ZNF566: variants seen among roughly 807,000 people sequenced by gnomAD.
ZNF566 encodes the protein zinc finger protein 566.
Under a neutral mutation model 32.8 loss-of-function variants are expected in ZNF566, and 27 were observed. The ratio of observed to expected loss-of-function variants is 0.82; its 90% CI spans 0.61 to 1.14. ZNF566 has a LOEUF of 1.14. ZNF566 is among the 50% of genes most tolerant of loss of function. The probability of loss-of-function intolerance (pLI) is 0.00; values close to 1 mark genes in which losing one functional copy is unlikely to be tolerated. For missense variants in ZNF566, 402 were observed against 490.4 expected (o/e 0.82, Z 1.70); for synonymous variants, 154 against 159.5 (o/e 0.97, Z 0.26).
rs1035705535 is a variant in ZNF566 at position 36,446,262 on chromosome 19, T to C, written c.*2715A>G. 1.4e-5 allele frequency: 2 copies of C among 144,498 alleles called. No individual in the cohort carries two copies. The highest frequency in any genetic ancestry group is 3.0e-5 in the Non-Finnish European group (2 of 66,258). The allele number at this position is 144,498 out of a possible 1,614,324, so 9.0% of individuals were successfully genotyped here. ...CGGAGAAGGGCAAAGATAATCATTT[T>C]TTCTTTCTTTTTTTTTTTTTTTTTT... On this transcript the variant is annotated 3_prime_UTR_variant, in exon 5 of 5. Coordinates refer to ENST00000452939, the MANE Select transcript of ZNF566 (RefSeq NM_001145344.1).
rs185829721 is a variant in ZNF566, at chr19:36,463,442, T to C, written c.232+9469A>G. 9.0e-4 allele frequency among the ~76,000 whole-genome samples: 135 copies of C among 150,324 alleles called. 1 individual carries two copies. The highest frequency in any genetic ancestry group is 3.2e-3 in the African/African-American group (131 of 40,942). On this transcript the variant is annotated intron_variant, in intron 4 of 4. Coordinates refer to ENST00000452939, the MANE Select transcript of ZNF566 (RefSeq NM_001145344.1). Reference sequence around the variant, plus strand: ...TGAAATACCATCAAGAAGGCCTAAATAAATGGAGAAAAGTACTGTGGTCAT... The same window carrying C: ...TGAAATACCATCAAGAAGGCCTAAACAAATGGAGAAAAGTACTGTGGTCAT...
At chr19:36,489,335 C>CA (rs1355296682) in intron 1 of ZNF566, 151 bp downstream of exon 1, 1 of 232,560 alleles carries the variant, frequency 4.3e-6, no homozygotes, top group African/African-American at 2.3e-5. Context: ...ACACTCATCA[C>CA]AAGGGCAGCC....
chr19:36,463,591 A>G (rs2033536442), intron 4 of ZNF566, among the ~76,000 whole-genome samples: 1 of 123,438 alleles, frequency 8.1e-6, no homozygotes, highest in Admixed American at 1.1e-4. Flanking sequence ...TGCCCAGGCT[A>G]TAGTACAGTA....
chr19:36,480,588 A>T lies in ZNF566; in HGVS notation c.-59-3972T>A, dbSNP rs555428733. On this transcript the variant is annotated intron_variant, in intron 1 of 4. Coordinates refer to ENST00000452939, the MANE Select transcript of ZNF566 (RefSeq NM_001145344.1). The stretch of plus-strand genomic sequence containing the variant: ...GCGTGAGCCACCTTGCCCAGCCTCC[A>T]TGCAGTTTAGATGGGCAAGGACAAT... 2.5e-3 allele frequency among the ~76,000 whole-genome samples: 308 copies of T among 123,660 alleles called. 7 individuals are homozygous for T. Among genetic ancestry groups the T allele is most frequent in the Non-Finnish European group, 3.1e-3 (163 of 52,776 alleles). 81.1% of individuals were successfully genotyped at this position (123,660 alleles called of 152,430 possible). A position where few individuals can be genotyped will look rare whatever the true frequency, so the allele number is the denominator to read the frequency against.
intron 4 of ZNF566, among the ~76,000 whole-genome samples, chr19:36,457,806 G>T (rs551112083): frequency 6.6e-6 from 1 of 152,172 alleles, no homozygotes; most frequent in Non-Finnish European, 1.5e-5. Flanking sequence ...TGGGAGAATC[G>T]CTTGAACCCC....
At chr19:36,484,877 C>A (rs1284172524) in intron 1 of ZNF566, among the ~76,000 whole-genome samples, 1 of 152,070 alleles carries the variant, frequency 6.6e-6, no homozygotes, top group Non-Finnish European at 1.5e-5. Flanking sequence ...GCATGAGCCA[C>A]CGCGCCCAGC....
intron 1 of ZNF566, 35 bp from the exon 2 acceptor site, chr19:36,476,651 C>G: frequency 6.4e-7 from 1 of 1,551,526 alleles, no homozygotes; most frequent in Non-Finnish European, 8.8e-7. Context: ...TAAGACCCCA[C>G]TTTCCTCACA....
In ZNF566 at chr19:36,465,788, A is replaced by G. The variant is rs187604244; in HGVS notation, c.232+7123T>C. On this transcript the variant is annotated intron_variant, in intron 4 of 4. Coordinates refer to ENST00000452939, the MANE Select transcript of ZNF566 (RefSeq NM_001145344.1). ...ATGCCCAGCTTATAAATACTATTTT[A>G]AGGGAAAAATTTAATGGATAGGTTG... Among the ~76,000 whole-genome samples the G allele has an allele frequency of 1.1e-3, 170 of 152,138 alleles. 3 individuals are homozygous for G. The East Asian group carries it at 0.02, about 18-fold the overall frequency.
chr19:36,463,703 T>C (rs1173227159), intron 4 of ZNF566, among the ~76,000 whole-genome samples: 1 of 150,726 alleles, frequency 6.6e-6, no homozygotes, highest in African/African-American at 2.4e-5. Flanking sequence ...CCACCACACC[T>C]GGCTAATTTT....
intron 1 of ZNF566, among the ~76,000 whole-genome samples, chr19:36,485,450 A>G (rs2034137930): frequency 9.7e-5 from 2 of 20,514 alleles, no homozygotes; most frequent in Non-Finnish European, 2.8e-4. Context: ...TTGTCTATTA[A>G]AAAAAAAAAA....
At chr19:36,466,143 A>G (rs1316660757) in intron 4 of ZNF566, among the ~76,000 whole-genome samples, 1 of 152,190 alleles carries the variant, frequency 6.6e-6, no homozygotes, top group African/African-American at 2.4e-5. Flanking sequence ...TGAATTTATC[A>G]CAGTAAAAAT....
At chr19:36,466,892 C>T (rs1046963567) in intron 4 of ZNF566, among the ~76,000 whole-genome samples, 19 of 151,554 alleles carry the variant, frequency 1.3e-4, no homozygotes, top group Non-Finnish European at 1.9e-4. Flanking sequence ...CACGGTGAAA[C>T]CCCATCTCTA....
At chr19:36,479,629 AAC>A (rs576249062) in intron 1 of ZNF566, among the ~76,000 whole-genome samples, 314 of 152,270 alleles carry the variant, frequency 2.1e-3, no homozygotes, top group African/African-American at 7.2e-3. Flanking sequence ...TCCCAAAATG[AAC>A]ACAGTTTTTG....
In ZNF566 at chr19:36,451,778, C is replaced by T. The variant is rs963903449; in HGVS notation, c.233-1777G>A. The stretch of plus-strand genomic sequence containing the variant: ...ATCCCAGCACTCTGCGGGGCCGAGG[C>T]GGGCCGATCACGAGGTCAGGAGTTT... On this transcript the variant is annotated intron_variant, in intron 4 of 4. Transcript: ENST00000452939. Among the ~76,000 whole-genome samples, 6 of 152,224 alleles carry T rather than the reference C, an allele frequency of 3.9e-5. 1 individual carries two copies. The highest frequency in any genetic ancestry group is 1.3e-4 in the Admixed American group (2 of 15,280).
chr19:36,476,655 C>T, intron 1 of ZNF566, 39 bp from the exon 2 acceptor site: 1 of 1,520,764 alleles, frequency 6.6e-7, no homozygotes, highest in Non-Finnish European at 9.0e-7. Flanking sequence ...ACCCCACTTT[C>T]CTCACAGCTC....
chr19:36,454,887 A>C (rs1007045940), intron 4 of ZNF566, among the ~76,000 whole-genome samples: 56 of 152,356 alleles, frequency 3.7e-4, no homozygotes, highest in African/African-American at 1.3e-3. Context: ...TTATGAGGAT[A>C]GTATTACCCT....
chr19:36,453,500 TAAA>T (rs1568510912), intron 4 of ZNF566, among the ~76,000 whole-genome samples: 127 of 126,644 alleles, frequency 1.0e-3, no homozygotes, highest in African/African-American at 3.4e-3. Context: ...AATAAATAAA[TAAA>T]TAAATTAATT....
At chr19:36,467,279 T>C (rs1456919016) in intron 4 of ZNF566, among the ~76,000 whole-genome samples, 2 of 148,912 alleles carry the variant, frequency 1.3e-5, no homozygotes, top group Non-Finnish European at 3.0e-5. Flanking sequence ...ACTAAAAATA[T>C]AAAAAATTAG....
In ZNF566 at chr19:36,482,665, G is replaced by A. The variant is rs534425079; in HGVS notation, c.-59-6049C>T. On this transcript the variant is annotated intron_variant, in intron 1 of 4. Coordinates refer to ENST00000452939, the MANE Select transcript of ZNF566 (RefSeq NM_001145344.1). ...ATACTTTTTACACAGGTCCAGGTTG[G>A]CAACTCTGAACTAATTTGCATGTAT... Among the ~76,000 whole-genome samples, 18 of 152,236 alleles carry A rather than the reference G, an allele frequency of 1.2e-4. No homozygotes were observed. The East Asian group carries it at 3.1e-3, about 26-fold the overall frequency.
Sources: allele counts gnomAD v4.1 joint callset (sites outside exome capture counted in the v4.1 genomes callset), GRCh38; gene constraint gnomAD v4.1.1; transcripts MANE v1.5; gene names NCBI Gene and HGNC (gene_info 2026-07-23, HGNC 2026-07-21).